FLRT1: variants seen among roughly 807,000 people sequenced by gnomAD.
The protein encoded by FLRT1 is leucine-rich repeat transmembrane protein FLRT1.
FLRT1 carries 14 observed loss-of-function variants against 30.9 expected under a neutral mutation model. The observed-to-expected ratio is 0.45, with a 90% confidence interval of 0.30 to 0.71. FLRT1 has a LOEUF of 0.71. FLRT1 is among the 30% of genes least tolerant of loss of function. The probability of loss-of-function intolerance (pLI) is 0.08; values close to 1 mark genes in which losing one functional copy is unlikely to be tolerated. For synonymous variants in FLRT1, 368 were observed against 430.4 expected (o/e 0.85, Z 1.80); for missense variants, 737 against 949.2 (o/e 0.78, Z 2.94).
At chr11:64,099,084 A>G (rs547774508) in intron 1 of FLRT1, among the ~76,000 whole-genome samples, 2 of 152,364 alleles carry the variant, frequency 1.3e-5, no homozygotes, top group East Asian at 3.9e-4. Flanking sequence ...TCTAGAAGAT[A>G]GGCAGGTGGT....
chr11:64,044,876 C>T lies in FLRT1; in HGVS notation c.-1038+8717C>T, dbSNP rs144596311. ...CTCTTCCCTGCCTGGATTCTGCCTT[C>T]GTTTCCTGAGGCCCCACTGTGTGCT... On this transcript the variant is annotated intron_variant, in intron 1 of 2. Coordinates refer to ENST00000682287, the MANE Select transcript of FLRT1 (RefSeq NM_013280.5). Among the ~76,000 whole-genome samples the T allele has an allele frequency of 3.8e-3, 580 of 152,312 alleles. 4 individuals are homozygous for T. Among genetic ancestry groups the T allele is most frequent in the African/African-American group, 0.011 (475 of 41,568 alleles).
chr11:64,053,144 T>C (rs1943724324), intron 1 of FLRT1, among the ~76,000 whole-genome samples: 1 of 152,134 alleles, frequency 6.6e-6, no homozygotes, highest in African/African-American at 2.4e-5. Flanking sequence ...ACCAGGCTCA[T>C]GCGGGCCCCA....
chr11:64,075,336 C>T lies in FLRT1; in HGVS notation c.-1037-27858C>T, dbSNP rs1944181663. Among the ~76,000 whole-genome samples the T allele has an allele frequency of 2.0e-5, 3 of 152,376 alleles. No homozygotes were observed. The South Asian group carries it at 6.2e-4, about 32-fold the overall frequency. The stretch of plus-strand genomic sequence containing the variant: ...ATCACCCTGTTTAGACAGAAGTCAT[C>T]TTTCTGGGTCTAAACCGTTCCCTGG... On this transcript the variant is annotated intron_variant, in intron 1 of 2. Coordinates refer to ENST00000682287, the MANE Select transcript of FLRT1 (RefSeq NM_013280.5).
intron 1 of FLRT1, among the ~76,000 whole-genome samples, chr11:64,099,473 GATGA>G (rs1486922261): frequency 6.6e-6 from 1 of 152,314 alleles, no homozygotes; most frequent in East Asian, 1.9e-4. Flanking sequence ...GAGAGAAATG[GATGA>G]ATGGAGAGAC....
At position 64,117,026 on chromosome 11, in the gene FLRT1, C is replaced by G; in HGVS notation, c.759C>G (p.Leu253=). The change falls in exon 3 of 3, where the codon CTC becomes CTG. Residue 253 remains leucine (L), a synonymous_variant. Coordinates refer to ENST00000682287, the MANE Select transcript of FLRT1 (RefSeq NM_013280.5). The part of the protein sequence containing the change: ...TFSRLQNLTE[L]SLVRNSLAAP... ...GCCGCCTACAGAACCTCACAGAGCT[C>G]TCGCTGGTGCGCAATTCGCTGGCCG... 1 of 1,611,670 alleles carries G rather than the reference C, an allele frequency of 6.2e-7. No homozygotes were observed. The highest frequency in any genetic ancestry group is 8.5e-7 in the Non-Finnish European group (1 of 1,179,250).
intron 1 of FLRT1, among the ~76,000 whole-genome samples, chr11:64,073,070 C>T (rs752804231): frequency 5.9e-5 from 9 of 152,216 alleles, no homozygotes; most frequent in Admixed American, 1.3e-4. Flanking sequence ...CACAGAGCCA[C>T]TTGTCCCTGC....
At chr11:64,114,343 T>TG (rs1555025677) in intron 2 of FLRT1, among the ~76,000 whole-genome samples, 1 of 136,252 alleles carries the variant, frequency 7.3e-6, no homozygotes, top group Non-Finnish European at 1.6e-5. Flanking sequence ...AGTAGATACA[T>TG]GATGGATGGA....
At chr11:64,077,212 T>C (rs1944218335) in intron 1 of FLRT1, among the ~76,000 whole-genome samples, 1 of 152,158 alleles carries the variant, frequency 6.6e-6, no homozygotes, top group Admixed American at 6.5e-5. Flanking sequence ...CAGGAGGAGC[T>C]ACCTGGAAAG....
chr11:64,091,566 C>T (rs534662518), intron 1 of FLRT1, among the ~76,000 whole-genome samples: 10 of 152,204 alleles, frequency 6.6e-5, no homozygotes, highest in Middle Eastern at 3.4e-3. Context: ...GCCAGTCCTT[C>T]GGGCGTTTGC....
At chr11:64,053,478 C>T (rs1279355978) in intron 1 of FLRT1, among the ~76,000 whole-genome samples, 1 of 152,094 alleles carries the variant, frequency 6.6e-6, no homozygotes, top group African/African-American at 2.4e-5. Flanking sequence ...TCTGTGGCCC[C>T]GATGGGAGTG....
chr11:64,059,527 T>A (rs1943856161), intron 1 of FLRT1, among the ~76,000 whole-genome samples: 1 of 152,098 alleles, frequency 6.6e-6, no homozygotes, highest in Admixed American at 6.5e-5. Context: ...CCCCAGGCCA[T>A]CCCTGCCTGC....
At chr11:64,055,325 A>G (rs1391153680) in intron 1 of FLRT1, among the ~76,000 whole-genome samples, 2 of 151,884 alleles carry the variant, frequency 1.3e-5, no homozygotes, top group Admixed American at 1.3e-4. Flanking sequence ...ACTCAGAGAC[A>G]CCTCTTTAAA....
chr11:64,088,589 TCTC>T (rs971804830), intron 1 of FLRT1, among the ~76,000 whole-genome samples: 9 of 148,018 alleles, frequency 6.1e-5, no homozygotes, highest in East Asian at 4.0e-4. Context: ...GGAGCAGGTC[TCTC>T]CTCCTCCTCC....
intron 1 of FLRT1, among the ~76,000 whole-genome samples, chr11:64,078,502 C>G (rs1306027668): frequency 2.0e-5 from 3 of 152,222 alleles, no homozygotes; most frequent in Non-Finnish European, 4.4e-5. Context: ...ACCCCGGCCT[C>G]CCCTTGCAGC....
chr11:64,105,745 C>T (rs573925006), intron 2 of FLRT1, among the ~76,000 whole-genome samples: 3 of 152,174 alleles, frequency 2.0e-5, no homozygotes, highest in Non-Finnish European at 2.9e-5. Context: ...CAGCATCCTC[C>T]CTGTGCCAAA....
chr11:64,088,344 C>G (rs1463485681), intron 1 of FLRT1, among the ~76,000 whole-genome samples: 1 of 152,108 alleles, frequency 6.6e-6, no homozygotes, highest in Non-Finnish European at 1.5e-5. Flanking sequence ...GCAGCATAGA[C>G]CAGGGGGCAG....
intron 2 of FLRT1, among the ~76,000 whole-genome samples, chr11:64,112,607 A>C (rs767311365): frequency 1.7e-4 from 26 of 151,972 alleles, no homozygotes; most frequent in Middle Eastern, 3.4e-3. Flanking sequence ...AACTGAGAGG[A>C]GTATCTGGGA....
intron 1 of FLRT1, among the ~76,000 whole-genome samples, chr11:64,041,494 C>T (rs986896390): frequency 6.6e-6 from 1 of 150,796 alleles, no homozygotes; most frequent in Non-Finnish European, 1.5e-5. Context: ...GGAGGGTGCC[C>T]GGGGCTGCTC....
chr11:64,039,567 C>G (rs1031887197), intron 1 of FLRT1, among the ~76,000 whole-genome samples: 1 of 152,138 alleles, frequency 6.6e-6, no homozygotes, highest in Non-Finnish European at 1.5e-5. Context: ...GACTGGATGG[C>G]CGGGAGGAGA....
Sources: allele counts gnomAD v4.1 joint callset (sites outside exome capture counted in the v4.1 genomes callset), GRCh38; gene constraint gnomAD v4.1.1; transcripts MANE v1.5; gene names NCBI Gene and HGNC (gene_info 2026-07-23, HGNC 2026-07-21).